The following PAX8 variants were observed in gnomAD, a reference collection of about 807,000 sequenced individuals.
PAX8 encodes the protein paired box protein Pax-8.
Under a neutral mutation model 52.4 loss-of-function variants are expected in PAX8, and 15 were observed. That is an observed-to-expected ratio of 0.29 (90% CI 0.19 to 0.44). The LOEUF (loss-of-function observed/expected upper bound fraction) is 0.44. Among genes scored for constraint, PAX8 ranks in the 20% least tolerant of loss-of-function variants. The pLI, the probability that PAX8 is intolerant of heterozygous loss-of-function variation, is 1.00. For missense variants in PAX8, 554 were observed against 602.5 expected (o/e 0.92, Z 0.84); for synonymous variants, 284 against 249.7 (o/e 1.14, Z -1.29).
At chr2:113,231,150 G>A (rs1228458193) in intron 9 of PAX8, among the ~76,000 whole-genome samples, 1 of 152,138 alleles carries the variant, frequency 6.6e-6, no homozygotes, top group East Asian at 1.9e-4. Flanking sequence ...ATCTCGTTCT[G>A]ATAGCAAGGA....
intron 2 of PAX8, among the ~76,000 whole-genome samples, chr2:113,247,407 T>C (rs576410017): frequency 1.6e-4 from 25 of 152,306 alleles, no homozygotes; most frequent in South Asian, 1.2e-3. Flanking sequence ...CACTACCTCA[T>C]TGAGAAAAAA....
intron 5 of PAX8, 90 bp downstream of exon 5, chr2:113,242,600 G>A (rs925774502): frequency 3.5e-6 from 3 of 868,992 alleles, no homozygotes; most frequent in East Asian, 2.4e-5. Context: ...CTGTGTGGGT[G>A]TGTCTGTGTG....
chr2:113,234,263 C>T (rs988859496), intron 9 of PAX8, among the ~76,000 whole-genome samples: 1 of 152,256 alleles, frequency 6.6e-6, no homozygotes, highest in African/African-American at 2.4e-5. Context: ...CCCTCTCCAA[C>T]CCAAGCCAAG....
rs974130532 is a variant in PAX8 at position 113,225,893 on chromosome 2, G to A, written c.1189+1262C>T. 2.4e-5 allele frequency: 23 copies of A among 977,416 alleles called. No individual in the cohort carries two copies. In the African/African-American group the frequency reaches 2.5e-4, roughly 11 times the overall value. The allele number at this position is 977,416 out of a possible 1,614,324, so 60.5% of individuals were successfully genotyped here. A position where few individuals can be genotyped will look rare whatever the true frequency, so the allele number is the denominator to read the frequency against. On this transcript the variant is annotated intron_variant, in intron 10 of 11. Coordinates refer to ENST00000429538, the MANE Select transcript of PAX8 (RefSeq NM_003466.4). ...TATCCACACTCTTAAAAAAATAACC[G>A]AATCTTTTCCTTTTTTATCTTGACC...
rs1689096994 is a variant in PAX8 at position 113,218,359 on chromosome 2, A to G, written c.*174T>C. ...TTGGAGGACAGTTTGGCCTTGTCCA[A>G]GGTCATCCTGTCTTTCATGGTTCAT... On this transcript the variant is annotated 3_prime_UTR_variant, in exon 12 of 12. Transcript: ENST00000429538. 4.3e-6 allele frequency: 2 copies of G among 467,788 alleles called. No homozygotes were observed. The highest frequency in any genetic ancestry group is 2.0e-5 in the African/African-American group (1 of 50,498). The allele number at this position is 467,788 out of a possible 1,614,324, so 29.0% of individuals were successfully genotyped here.
intron 2 of PAX8, chr2:113,272,905 G>T (rs1693560348): frequency 6.6e-6 from 1 of 152,172 alleles, no homozygotes; most frequent in African/African-American, 2.4e-5. Flanking sequence ...ACCCGAAGGG[G>T]GGCAGTGCAC....
intron 2 of PAX8, among the ~76,000 whole-genome samples, chr2:113,247,505 A>AC (rs1363399257): frequency 6.7e-6 from 1 of 149,328 alleles, no homozygotes; most frequent in Non-Finnish European, 1.5e-5. Flanking sequence ...GGCCTGAATG[A>AC]CCCCCAAGGT....
intron 2 of PAX8, among the ~76,000 whole-genome samples, chr2:113,262,148 C>G (rs1025487759): frequency 6.6e-6 from 1 of 152,078 alleles, no homozygotes; most frequent in Non-Finnish European, 1.5e-5. Context: ...GTTCTTGTAT[C>G]AGCTTGTTTG....
intron 2 of PAX8, chr2:113,270,447 G>C (rs1357995014): frequency 6.6e-6 from 1 of 152,232 alleles, no homozygotes; most frequent in Non-Finnish European, 1.5e-5. Flanking sequence ...GGCCAAGATG[G>C]AAGCCCGGGC....
In PAX8 at chr2:113,217,487, G is replaced by A; in HGVS notation, c.*1046C>T. The stretch of plus-strand genomic sequence containing the variant: ...TTTCACTCAGAGGCCAAAGTCTGGG[G>A]GTTAGAAAGAAGGAAGCTTGACCCA... On this transcript the variant is annotated 3_prime_UTR_variant, in exon 12 of 12. Coordinates refer to ENST00000429538, the MANE Select transcript of PAX8 (RefSeq NM_003466.4). The A allele has an allele frequency of 4.3e-6, 1 of 230,340 alleles. No individual in the cohort carries two copies. Among genetic ancestry groups the A allele is most frequent in the Non-Finnish European group, 8.6e-6 (1 of 116,066 alleles). The allele number at this position is 230,340 out of a possible 1,614,324, so 14.3% of individuals were successfully genotyped here.
chr2:113,219,574 G>A lies in PAX8; in HGVS notation c.1276+518C>T, dbSNP rs558963194. 2.8e-4 allele frequency among the ~76,000 whole-genome samples: 43 copies of A among 152,302 alleles called. No individual in the cohort carries two copies. In the Middle Eastern group the frequency reaches 0.01, roughly 36 times the overall value. On this transcript the variant is annotated intron_variant, in intron 11 of 11. Coordinates refer to ENST00000429538, the MANE Select transcript of PAX8 (RefSeq NM_003466.4). ...TCAGGCTAAATATGGGGAATGTGGT[G>A]GAACAAAAGATTTCTGTTTAAGGGT...
chr2:113,257,415 C>T (rs1017450276), intron 2 of PAX8, among the ~76,000 whole-genome samples: 35 of 152,288 alleles, frequency 2.3e-4, no homozygotes, highest in Middle Eastern at 6.8e-3. Context: ...TGAGGACCAA[C>T]GCCAGCTCCT....
intron 2 of PAX8, chr2:113,276,174 T>C (rs1271821597): frequency 6.6e-6 from 1 of 152,190 alleles, no homozygotes; most frequent in Non-Finnish European, 1.5e-5. Context: ...GGGGTCCGCT[T>C]ATGAGTTTAG....
intron 10 of PAX8, chr2:113,220,421 C>G: frequency 2.1e-6 from 1 of 482,854 alleles, no homozygotes; most frequent in Non-Finnish European, 3.7e-6. Flanking sequence ...GCTTGACATA[C>G]TACAGCCCTC....
intron 9 of PAX8, among the ~76,000 whole-genome samples, chr2:113,234,019 A>G (rs1690082000): frequency 6.6e-6 from 1 of 152,176 alleles, no homozygotes; most frequent in Admixed American, 6.5e-5. Flanking sequence ...TCGGGGTAGG[A>G]GGGTGTGGGA....
At chr2:113,242,917 T>C in intron 4 of PAX8, 139 bp from the exon 5 acceptor site, 3 of 708,142 alleles carry the variant, frequency 4.2e-6, no homozygotes, top group Non-Finnish European at 7.8e-6. Flanking sequence ...CAGTCAAGTC[T>C]GTGACCCTAC....
chr2:113,253,415 C>T (rs1278884564), intron 2 of PAX8, among the ~76,000 whole-genome samples: 2 of 152,192 alleles, frequency 1.3e-5, no homozygotes, highest in Non-Finnish European at 2.9e-5. Flanking sequence ...GGGGGCTCCT[C>T]CTCTAGTGTT....
intron 7 of PAX8, 200 bp downstream of exon 7, chr2:113,241,351 C>T (rs1690821639): frequency 3.0e-6 from 2 of 668,854 alleles, no homozygotes; most frequent in Non-Finnish European, 5.4e-6. Context: ...TGAAGGAAGC[C>T]AGGAGGGTTA....
chr2:113,232,213 T>C (rs1393239494), intron 9 of PAX8, among the ~76,000 whole-genome samples: 1 of 152,204 alleles, frequency 6.6e-6, no homozygotes, highest in Non-Finnish European at 1.5e-5. Context: ...GTGGACAGTC[T>C]GTAAGGAGCT....
Sources: allele counts gnomAD v4.1 joint callset (sites outside exome capture counted in the v4.1 genomes callset), GRCh38; gene constraint gnomAD v4.1.1; transcripts MANE v1.5; gene names NCBI Gene and HGNC (gene_info 2026-07-23, HGNC 2026-07-21).